Variants in RAD21L1 observed in about 807,000 individuals in gnomAD.
The protein encoded by RAD21L1 is RAD21 cohesin complex component like 1, also known as double-strand-break repair protein rad21-like protein 1.
A neutral mutation model predicts 69.0 loss-of-function variants in RAD21L1; 47 were observed. That is an observed-to-expected ratio of 0.68 (90% confidence interval 0.54 to 0.87). RAD21L1 has a LOEUF of 0.87. Among genes scored for constraint, RAD21L1 ranks in the 40% least tolerant of loss-of-function variants. RAD21L1 has a pLI of 0.00. For synonymous variants in RAD21L1, 177 were observed against 205.8 expected, an observed-to-expected ratio of 0.86 and a Z score of 1.20; for missense variants, 583 against 647.6, an observed-to-expected ratio of 0.90 and a Z score of 1.08.
In RAD21L1 at chr20:1,234,194, G is replaced by A; in HGVS notation, c.475+3G>A. 1 of 1,257,230 alleles carries A rather than the reference G, an allele frequency of 8.0e-7. No individual in the cohort carries two copies. The highest frequency in any genetic ancestry group is 1.5e-5 in the African/African-American group (1 of 66,232). The allele number at this position is 1,257,230 out of a possible 1,614,324, so 77.9% of individuals were successfully genotyped here. A position where few individuals can be genotyped will look rare whatever the true frequency, so the allele number is the denominator to read the frequency against. On this transcript the variant is annotated splice_donor_region_variant and intron_variant, in intron 5 of 13. Transcript: ENST00000683101. ...AATTTTCCAAGCTGAGAGCTTTGGT[G>A]AGAATATTTGAGAACTCAAAATTAC... is the stretch of plus-strand genomic sequence containing the variant.
intron 1 of RAD21L1, among the ~76,000 whole-genome samples, chr20:1,227,111 T>G (rs2087280725): frequency 2.0e-5 from 3 of 152,144 alleles, no homozygotes; most frequent in Non-Finnish European, 4.4e-5. Context: ...GGTTTCACCA[T>G]GTTGGCCAGG....
chr20:1,242,922 TTACA>T (rs2087644567), intron 9 of RAD21L1, 77 bp downstream of exon 9: 6 of 1,027,386 alleles, frequency 5.8e-6, no homozygotes, highest in Non-Finnish European at 8.7e-6. Context: ...AAACACATAT[TTACA>T]TACATATATA....
chr20:1,242,590 A>C, intron 8 of RAD21L1, 29 bp from the exon 9 acceptor site: 2 of 1,479,404 alleles, frequency 1.4e-6, no homozygotes, highest in Non-Finnish European at 1.8e-6. Flanking sequence ...TGTATAACCA[A>C]TCACATTTGT....
intron 12 of RAD21L1, 55 bp from the exon 13 acceptor site, chr20:1,248,571 G>T: frequency 9.8e-7 from 1 of 1,016,094 alleles, no homozygotes; most frequent in South Asian, 1.5e-5. Context: ...TGGGCAAATA[G>T]TCAGCATTTA....
intron 2 of RAD21L1, among the ~76,000 whole-genome samples, chr20:1,229,508 C>A (rs942784064): frequency 5.3e-5 from 8 of 152,054 alleles, no homozygotes; most frequent in African/African-American, 1.9e-4. Context: ...GAGCGAGACT[C>A]CGTCTCCAAA....
intron 13 of RAD21L1, among the ~76,000 whole-genome samples, chr20:1,252,985 G>C (rs562998655): frequency 6.6e-6 from 1 of 152,166 alleles, no homozygotes; most frequent in South Asian, 2.1e-4. Context: ...GTCCCTTTAG[G>C]GTTTTTCAAA....
chr20:1,226,613 T>A (rs2087267098), intron 1 of RAD21L1, among the ~76,000 whole-genome samples: 1 of 151,280 alleles, frequency 6.6e-6, no homozygotes, highest in East Asian at 2.0e-4. Flanking sequence ...CCTTCCTCCC[T>A]CCCTTCGCTC....
At position 1,234,181 on chromosome 20, in the gene RAD21L1, T is replaced by C; in HGVS notation, c.465T>C (p.Ala155=). The change falls in exon 5 of 14, where the codon GCT becomes GCC. Residue 155 remains alanine, a synonymous_variant. Transcript: ENST00000683101. ...ENFDNDLIFQ[A]ESFGEESEIL... ...TTGACAATGATCTAATTTTCCAAGC[T>C]GAGAGCTTTGGTGAGAATATTTGAG... The C allele has an allele frequency of 1.4e-6, 2 of 1,446,736 alleles. No individual in the cohort carries two copies. The highest frequency in any genetic ancestry group is 1.2e-5 in the South Asian group (1 of 80,840). The allele number at this position is 1,446,736 out of a possible 1,614,324, so 89.6% of individuals were successfully genotyped here.
chr20:1,229,988 A>C lies in RAD21L1; in HGVS notation c.253A>C (p.Met85Leu). 3 of 1,550,316 alleles carry C rather than the reference A, an allele frequency of 1.9e-6. No individual in the cohort carries two copies. The highest frequency in any genetic ancestry group is 2.6e-6 in the Non-Finnish European group (3 of 1,145,814). Reference protein sequence around the residue: ...LADCSEAFLKMKMTFCPGLVD... With the variant: ...LADCSEAFLKLKMTFCPGLVD... ...AGATTGCAGTGAAGCATTTCTTAAA[A>C]TGAAGATGACATTTTGCCCAGGTAT... The change falls in exon 3 of 14, where the codon ATG becomes CTG. Residue 85 changes from methionine to leucine, a missense_variant. Coordinates refer to ENST00000683101, the MANE Select transcript of RAD21L1 (RefSeq NM_001384355.1).
intron 13 of RAD21L1, among the ~76,000 whole-genome samples, chr20:1,252,137 A>C (rs1219419762): frequency 3.3e-5 from 5 of 152,196 alleles, no homozygotes. Context: ...CAGAGGTTGC[A>C]CTTCTGCTCC....
chr20:1,227,915 TG>T, intron 1 of RAD21L1, among the ~76,000 whole-genome samples: 1 of 152,336 alleles, frequency 6.6e-6, no homozygotes, highest in Non-Finnish European at 1.5e-5. Flanking sequence ...ATTAAAATAT[TG>T]TTGAATAAAC....
intron 6 of RAD21L1, 33 bp from the exon 7 acceptor site, chr20:1,239,279 C>A: frequency 1.7e-6 from 2 of 1,174,936 alleles, no homozygotes; most frequent in South Asian, 1.4e-5. Flanking sequence ...AGATTCCAGT[C>A]TGTATGAAAA....
At chr20:1,247,117 A>C (rs1225428239) in intron 12 of RAD21L1, among the ~76,000 whole-genome samples, 1 of 152,168 alleles carries the variant, frequency 6.6e-6, no homozygotes, top group Non-Finnish European at 1.5e-5. Context: ...CTGAGCCAGA[A>C]GTGGGTTAGT....
At chr20:1,227,618 C>A (rs1233518760) in intron 1 of RAD21L1, among the ~76,000 whole-genome samples, 2 of 152,168 alleles carry the variant, frequency 1.3e-5, no homozygotes, top group African/African-American at 4.8e-5. Flanking sequence ...TAGAAGTCAA[C>A]CAAAGTGCTA....
chr20:1,239,523 G>T, intron 7 of RAD21L1, 116 bp downstream of exon 7: 1 of 620,232 alleles, frequency 1.6e-6, no homozygotes, highest in East Asian at 2.8e-5. Context: ...ATGTCTTTCA[G>T]ACTCTGTTAG....
At chr20:1,230,263 A>G (rs559105709) in intron 3 of RAD21L1, among the ~76,000 whole-genome samples, 3 of 152,292 alleles carry the variant, frequency 2.0e-5, no homozygotes, top group Admixed American at 2.0e-4. Context: ...AAGCCACTAC[A>G]CTTGCATAAG....
chr20:1,235,228 A>C (rs995453514), intron 5 of RAD21L1, among the ~76,000 whole-genome samples: 1 of 152,124 alleles, frequency 6.6e-6, no homozygotes, highest in Non-Finnish European at 1.5e-5. Context: ...TGCCCAAAAC[A>C]ATGAGTATAG....
chr20:1,240,259 GTCC>G, intron 7 of RAD21L1, 59 bp from the exon 8 acceptor site: 2 of 1,462,166 alleles, frequency 1.4e-6, no homozygotes, highest in South Asian at 3.0e-5. Flanking sequence ...TTCTCATACA[GTCC>G]TCTAGCCTGC....
At chr20:1,253,035 CA>C (rs751355965) in intron 13 of RAD21L1, among the ~76,000 whole-genome samples, 21 of 152,154 alleles carry the variant, frequency 1.4e-4, no homozygotes, top group Non-Finnish European at 2.5e-4. Context: ...TATTCTCTCC[CA>C]GGGGGGAAAA....
Sources: gnomAD v4.1 joint callset for allele counts (sites outside exome capture counted in the v4.1 genomes callset) on GRCh38, gnomAD v4.1.1 for gene constraint, MANE v1.5 for transcripts, NCBI Gene and HGNC (gene_info 2026-07-23, HGNC 2026-07-21) for gene names.